Variants in ADGRL3 observed in about 807,000 individuals in gnomAD.
The protein encoded by ADGRL3 is adhesion G protein-coupled receptor L3.
A neutral mutation model predicts 153.5 loss-of-function variants in ADGRL3; 62 were observed. That is an observed-to-expected ratio of 0.40 (90% CI 0.33 to 0.50). ADGRL3 has a LOEUF of 0.50. Ranked by LOEUF, ADGRL3 falls within the 20% of genes least tolerant of loss-of-function variation. The pLI, the probability that ADGRL3 is intolerant of heterozygous loss-of-function variation, is 0.47. For synonymous variants in ADGRL3, 710 were observed against 672.5 expected (o/e 1.06, Z -0.86); for missense variants, 1,641 against 1,859.4 (o/e 0.88, Z 2.16).
intron 9 of ADGRL3, among the ~76,000 whole-genome samples, chr4:61,876,214 G>T (rs2098474170): frequency 6.6e-6 from 1 of 151,186 alleles, no homozygotes; most frequent in African/African-American, 2.4e-5. Context: ...CACTTGTTAT[G>T]TATCAGAAAC....
intron 8 of ADGRL3, among the ~76,000 whole-genome samples, chr4:61,767,612 C>T (rs2097012427): frequency 6.6e-6 from 1 of 152,090 alleles, no homozygotes; most frequent in African/African-American, 2.4e-5. Flanking sequence ...GGCCAGAGTT[C>T]CAGGAGCTCT....
chr4:61,430,258 A>G (rs986836025), intron 2 of ADGRL3, among the ~76,000 whole-genome samples: 9 of 152,164 alleles, frequency 5.9e-5, no homozygotes, highest in Non-Finnish European at 1.3e-4. Context: ...ACCTTGTCAA[A>G]TTTATGAGCA....
intron 1 of ADGRL3, among the ~76,000 whole-genome samples, chr4:61,343,247 A>AACC (rs1340398657): frequency 1.3e-5 from 2 of 152,178 alleles, no homozygotes; most frequent in Non-Finnish European, 2.9e-5. Context: ...TAATTTTCAA[A>AACC]ACCACAAAAA....
At chr4:61,335,575 C>G (rs949150683) in intron 1 of ADGRL3, among the ~76,000 whole-genome samples, 1 of 152,042 alleles carries the variant, frequency 6.6e-6, no homozygotes, top group South Asian at 2.1e-4. Flanking sequence ...ATGTCAGTTT[C>G]TTTTTTACTT....
intron 2 of ADGRL3, among the ~76,000 whole-genome samples, chr4:61,459,233 G>A (rs1432115295): frequency 6.6e-6 from 1 of 151,722 alleles, no homozygotes; most frequent in Non-Finnish European, 1.5e-5. Flanking sequence ...CATTTTTGGT[G>A]TTTGGTTTAT....
At chr4:61,305,482 A>G (rs2094743982) in intron 1 of ADGRL3, among the ~76,000 whole-genome samples, 1 of 152,136 alleles carries the variant, frequency 6.6e-6, no homozygotes, top group South Asian at 2.1e-4. Flanking sequence ...TTGCTGTAGG[A>G]AACACTGGAG....
At chr4:61,587,680 T>C (rs1445736145) in intron 5 of ADGRL3, among the ~76,000 whole-genome samples, 1 of 152,136 alleles carries the variant, frequency 6.6e-6, no homozygotes, top group Non-Finnish European at 1.5e-5. Context: ...CATTGCATGC[T>C]GTTATTTTGA....
In ADGRL3 at chr4:61,541,874, CACTAG is replaced by C. The variant is rs2098692022; in HGVS notation, c.259+24357_259+24361del. On this transcript the variant is annotated intron_variant, in intron 4 of 26. Coordinates refer to ENST00000683033, the MANE Select transcript of ADGRL3 (RefSeq NM_001387552.1). ...ACACACACACACACACACACACACA[CACTAG>C]TATTTCAGTAGCTGAGCTCGTCAAG... is the stretch of plus-strand genomic sequence containing the variant. Among the ~76,000 whole-genome samples the C allele has an allele frequency of 1.3e-5, 2 of 150,846 alleles. 1 individual carries two copies. The highest frequency in any genetic ancestry group is 4.2e-4 in the South Asian group (2 of 4,744).
intron 1 of ADGRL3, among the ~76,000 whole-genome samples, chr4:61,327,502 T>C (rs1464908420): frequency 2.0e-5 from 3 of 151,940 alleles, no homozygotes; most frequent in African/African-American, 7.2e-5. Flanking sequence ...CTTGTTGAGT[T>C]CAAAGTTCTT....
chr4:61,960,863 C>G (rs1477275211), intron 17 of ADGRL3, among the ~76,000 whole-genome samples: 1 of 152,074 alleles, frequency 6.6e-6, no homozygotes, highest in Non-Finnish European at 1.5e-5. Context: ...GCGTGCGCCA[C>G]CACACCGAGC....
At chr4:61,734,088 T>A (rs1350067917) in intron 8 of ADGRL3, among the ~76,000 whole-genome samples, 9 of 152,208 alleles carry the variant, frequency 5.9e-5, no homozygotes, top group African/African-American at 2.2e-4. Flanking sequence ...GAGAAAAATG[T>A]TCATAACTGA....
At chr4:61,869,869 C>T (rs1247673037) in intron 9 of ADGRL3, among the ~76,000 whole-genome samples, 12 of 137,020 alleles carry the variant, frequency 8.8e-5, no homozygotes, top group Middle Eastern at 3.6e-3. Context: ...ATCCAGGAGG[C>T]GGAGGTTGTG....
chr4:61,234,577 A>C (rs560115814), intron 1 of ADGRL3, among the ~76,000 whole-genome samples: 13 of 152,222 alleles, frequency 8.5e-5, no homozygotes, highest in Middle Eastern at 3.4e-3. Context: ...GCTATGGAGA[A>C]CTCTGATATT....
At chr4:61,665,284 A>G (rs2094750296) in intron 5 of ADGRL3, among the ~76,000 whole-genome samples, 1 of 152,086 alleles carries the variant, frequency 6.6e-6, no homozygotes, top group African/African-American at 2.4e-5. Context: ...GGTGGCGGAT[A>G]TCTGTAGTGT....
chr4:61,206,257 T>C (rs1226982197), intron 1 of ADGRL3, among the ~76,000 whole-genome samples: 3 of 152,202 alleles, frequency 2.0e-5, no homozygotes, highest in African/African-American at 4.8e-5. Flanking sequence ...GTCCATATTA[T>C]TCAAGAATTT....
At chr4:62,028,753 G>A in intron 21 of ADGRL3, 102 bp from the exon 22 acceptor site, 1 of 819,558 alleles carries the variant, frequency 1.2e-6, no homozygotes, top group East Asian at 2.8e-5. Flanking sequence ...GGAGGTGGGG[G>A]ACAGAGGCCT....
chr4:61,613,739 A>C (rs762763216), intron 5 of ADGRL3, among the ~76,000 whole-genome samples: 45 of 152,186 alleles, frequency 3.0e-4, no homozygotes, highest in Non-Finnish European at 5.1e-4. Context: ...GCTAGATTCC[A>C]AGTGAGTCCT....
intron 6 of ADGRL3, among the ~76,000 whole-genome samples, chr4:61,725,355 G>T (rs568825559): frequency 6.6e-6 from 1 of 152,166 alleles, no homozygotes; most frequent in South Asian, 2.1e-4. Context: ...GCTCATGCCT[G>T]TAATCCCAGC....
In ADGRL3 at chr4:62,072,398, G is replaced by A. The variant is rs188065951; in HGVS notation, c.*1490G>A. On this transcript the variant is annotated 3_prime_UTR_variant, in exon 27 of 27. Transcript: ENST00000683033. Reference sequence around the variant, plus strand: ...CATTACTAATATTTGTTGTAAAAGTGAAACTTGTTTGCCAACCAATAAACA... The same window carrying A: ...CATTACTAATATTTGTTGTAAAAGTAAAACTTGTTTGCCAACCAATAAACA... 1 of 152,646 alleles carries A rather than the reference G, an allele frequency of 6.6e-6. No homozygotes were observed. Among genetic ancestry groups the A allele is most frequent in the African/African-American group, 2.4e-5 (1 of 41,540 alleles). The allele number at this position is 152,646 out of a possible 1,614,324, so 9.5% of individuals were successfully genotyped here. A position where few individuals can be genotyped will look rare whatever the true frequency, so the allele number is the denominator to read the frequency against.
Sources: allele counts gnomAD v4.1 joint callset (sites outside exome capture counted in the v4.1 genomes callset), GRCh38; gene constraint gnomAD v4.1.1; transcripts MANE v1.5; gene names NCBI Gene and HGNC (gene_info 2026-07-23, HGNC 2026-07-21).